The following TPRG1 variants were observed in gnomAD, a reference collection of about 807,000 sequenced individuals.
TPRG1 encodes the protein tumor protein p63 regulated 1.
In TPRG1, 29 loss-of-function variants were observed where a neutral mutation model predicts 29.3. That is an observed-to-expected ratio of 0.99 (90% CI 0.74 to 1.35). The LOEUF is 1.35. Among genes scored for constraint, TPRG1 ranks in the 40% most tolerant of loss-of-function variants. The pLI, the probability that TPRG1 is intolerant of heterozygous loss-of-function variation, is 0.00. For synonymous variants in TPRG1, 130 were observed against 116.8 expected (o/e 1.11, Z -0.73); for missense variants, 327 against 335.0 (o/e 0.98, Z 0.19).
At chr3:189,106,581 A>T (rs1165888000) in intron 1 of TPRG1, among the ~76,000 whole-genome samples, 1 of 152,148 alleles carries the variant, frequency 6.6e-6, no homozygotes, top group Non-Finnish European at 1.5e-5. Context: ...TTTACTGTGG[A>T]ATCCCCAGTG....
chr3:189,147,859 G>A (rs546783525), intron 4 of TPRG1, among the ~76,000 whole-genome samples: 9 of 152,306 alleles, frequency 5.9e-5, no homozygotes, highest in South Asian at 2.1e-4. Flanking sequence ...TTCAGCAGAC[G>A]CCAGCAGTCA....
intron 4 of TPRG1, among the ~76,000 whole-genome samples, chr3:189,068,278 A>G (rs1050469330): frequency 6.6e-6 from 1 of 152,176 alleles, no homozygotes; most frequent in Non-Finnish European, 1.5e-5. Context: ...CTAAAAATAA[A>G]ACTACCAGAT....
chr3:189,128,460 T>A (rs976942610), intron 2 of TPRG1, among the ~76,000 whole-genome samples: 9 of 152,216 alleles, frequency 5.9e-5, no homozygotes, highest in African/African-American at 1.9e-4. Flanking sequence ...GAAACATATT[T>A]ATACTAAAAA....
At chr3:189,216,633 A>C (rs1341218606) in intron 3 of TPRG1, among the ~76,000 whole-genome samples, 1 of 152,208 alleles carries the variant, frequency 6.6e-6, no homozygotes, top group Non-Finnish European at 1.5e-5. Flanking sequence ...AATAGCTGTT[A>C]GTGCCCCTCT....
intron 4 of TPRG1, among the ~76,000 whole-genome samples, chr3:189,068,814 G>A (rs565172720): frequency 1.4e-4 from 22 of 151,916 alleles, no homozygotes; most frequent in Non-Finnish European, 2.6e-4. Flanking sequence ...GAGGGAGGGA[G>A]GAGGGAGGAG....
At chr3:189,052,327 A>G (rs1258563805) in intron 4 of TPRG1, among the ~76,000 whole-genome samples, 1 of 151,894 alleles carries the variant, frequency 6.6e-6, no homozygotes, top group Admixed American at 6.5e-5. Flanking sequence ...ATAGCCAACA[A>G]ACATATGAAA....
At chr3:189,285,127 G>A (rs1159109471) in intron 4 of TPRG1, among the ~76,000 whole-genome samples, 1 of 152,136 alleles carries the variant, frequency 6.6e-6, no homozygotes, top group Non-Finnish European at 1.5e-5. Context: ...ACAAGTGGGC[G>A]AAGGATATGA....
chr3:189,221,917 C>T (rs1438915411), intron 3 of TPRG1, among the ~76,000 whole-genome samples: 1 of 152,194 alleles, frequency 6.6e-6, no homozygotes, highest in Non-Finnish European at 1.5e-5. Flanking sequence ...CTTCATGACA[C>T]CTCTCTCCCA....
intron 3 of TPRG1, among the ~76,000 whole-genome samples, chr3:189,219,942 T>G (rs1736698959): frequency 6.6e-6 from 1 of 152,188 alleles, no homozygotes; most frequent in Non-Finnish European, 1.5e-5. Flanking sequence ...GGACTGTCCA[T>G]GTGGAACATA....
At chr3:189,073,166 A>G (rs1028300611) in intron 4 of TPRG1, among the ~76,000 whole-genome samples, 2 of 152,174 alleles carry the variant, frequency 1.3e-5, no homozygotes, top group Admixed American at 1.3e-4. Context: ...GCTTTCATAG[A>G]CAGACCTAGG....
chr3:189,060,333 A>G (rs1401915483), intron 4 of TPRG1, among the ~76,000 whole-genome samples: 1 of 152,244 alleles, frequency 6.6e-6, no homozygotes, highest in Non-Finnish European at 1.5e-5. Flanking sequence ...CACAGCCAAC[A>G]TCATACTGAA....
chr3:189,099,774 C>T (rs527980497), upstream of TPRG1, among the ~76,000 whole-genome samples: 224 of 152,232 alleles, frequency 1.5e-3, no homozygotes, highest in African/African-American at 5.1e-3. Flanking sequence ...AGCTACTACC[C>T]GGGAAAACGA....
chr3:189,133,543 A>C (rs1723353783), intron 3 of TPRG1, among the ~76,000 whole-genome samples: 1 of 152,100 alleles, frequency 6.6e-6, no homozygotes, highest in Admixed American at 6.6e-5. Flanking sequence ...TTGGTTTTAT[A>C]AGCCCTGCCT....
At chr3:189,200,485 T>C (rs2108776098) in intron 1 of TPRG1, among the ~76,000 whole-genome samples, 1 of 152,338 alleles carries the variant, frequency 6.6e-6, no homozygotes, top group Non-Finnish European at 1.5e-5. Flanking sequence ...GCCTTGAGAC[T>C]GTTAACCCCT....
chr3:189,204,948 C>CTCTCT, intron 1 of TPRG1, among the ~76,000 whole-genome samples: 1 of 26,030 alleles, frequency 3.8e-5, no homozygotes, highest in Non-Finnish European at 9.1e-5. Context: ...CTCTCTCTCT[C>CTCTCT]ACACACACAC....
chr3:189,248,847 A>AC (rs1553931148), intron 4 of TPRG1, among the ~76,000 whole-genome samples: 1 of 150,254 alleles, frequency 6.7e-6, no homozygotes, highest in Non-Finnish European at 1.5e-5. Flanking sequence ...TAAATTGCCA[A>AC]TTTTTTTTTA....
intron 4 of TPRG1, among the ~76,000 whole-genome samples, chr3:189,262,022 A>G (rs1338216295): frequency 1.3e-5 from 2 of 152,122 alleles, no homozygotes; most frequent in African/African-American, 4.8e-5. Context: ...GCCTGAAATG[A>G]TTGACATTTT....
At chr3:189,297,304 G>T in intron 4 of TPRG1, among the ~76,000 whole-genome samples, 1 of 152,150 alleles carries the variant, frequency 6.6e-6, no homozygotes, top group Middle Eastern at 3.2e-3. Context: ...CTTCTGCTTA[G>T]ATTCCTGTCT....
chr3:189,214,434 G>A (rs1305076104), intron 2 of TPRG1, among the ~76,000 whole-genome samples: 1 of 152,192 alleles, frequency 6.6e-6, no homozygotes, highest in African/African-American at 2.4e-5. Context: ...GAGGTTGAGT[G>A]TAGGGAAAAT....
Sources: gnomAD v4.1 joint callset for allele counts (sites outside exome capture counted in the v4.1 genomes callset) on GRCh38, gnomAD v4.1.1 for gene constraint, MANE v1.5 for transcripts, NCBI Gene and HGNC (gene_info 2026-07-23, HGNC 2026-07-21) for gene names.